The following ZNF565 variants were observed in gnomAD, a reference collection of about 807,000 sequenced individuals.
The protein encoded by ZNF565 is zinc finger protein 565.
ZNF565 carries 27 observed loss-of-function variants against 39.4 expected under a neutral mutation model. The observed-to-expected ratio is 0.69, with a 90% CI of 0.51 to 0.95. The LOEUF (loss-of-function observed/expected upper bound fraction) is 0.95. Ranked by LOEUF, ZNF565 falls within the 40% of genes least tolerant of loss-of-function variation. ZNF565 has a pLI of 0.00. For synonymous variants in ZNF565, 185 were observed against 216.6 expected, an observed-to-expected ratio of 0.85 and a Z score of 1.28; for missense variants, 524 against 621.1, an observed-to-expected ratio of 0.84 and a Z score of 1.66.
At chr19:36,206,660 G>A (rs1200649454) in intron 1 of ZNF565, among the ~76,000 whole-genome samples, 19 of 151,960 alleles carry the variant, frequency 1.3e-4, no homozygotes, top group African/African-American at 4.4e-4. Flanking sequence ...GTGAAATGCC[G>A]TCTCTACTAA....
intron 4 of ZNF565, among the ~76,000 whole-genome samples, chr19:36,189,941 CT>C (rs1220120134): frequency 6.6e-6 from 1 of 151,828 alleles, no homozygotes; most frequent in East Asian, 2.0e-4. Flanking sequence ...TCAAGCGATT[CT>C]CTTGTCTCAG....
chr19:36,195,455 AATATCATTATC>A (rs1975722339), intron 2 of ZNF565, among the ~76,000 whole-genome samples: 1 of 151,812 alleles, frequency 6.6e-6, no homozygotes, highest in Admixed American at 6.6e-5. Flanking sequence ...TAATAATCAG[AATATCATTATC>A]ATACTTAATA....
In ZNF565 at chr19:36,245,753, T is replaced by G; in HGVS notation, c.-223A>C. On this transcript the variant is annotated 5_prime_UTR_variant, in exon 1 of 5. Coordinates refer to the ZNF565 transcript ENST00000355114. This position sits in a 1 kb window ranked among gnomAD's most constrained non-coding sequence, Gnocchi z 4.4. ...CTGGCTCCGTCCACGGTTGTCGGGG[T>G]CCCGGGCTGCTTTTCTTGGAGGGCT... 1 of 528,482 alleles carries G rather than the reference T, an allele frequency of 1.9e-6. No individual in the cohort carries two copies. Among genetic ancestry groups the G allele is most frequent in the Non-Finnish European group, 3.3e-6 (1 of 298,570 alleles). 32.7% of individuals were successfully genotyped at this position (528,482 alleles called of 1,614,324 possible).
intron 1 of ZNF565, among the ~76,000 whole-genome samples, chr19:36,222,848 T>A (rs1195686862): frequency 6.8e-6 from 1 of 148,008 alleles, no homozygotes; most frequent in African/African-American, 2.4e-5. Context: ...CTTTTTTTTT[T>A]AATCTTGCAG....
At chr19:36,202,328 C>T (rs976903348) in intron 1 of ZNF565, among the ~76,000 whole-genome samples, 3 of 152,060 alleles carry the variant, frequency 2.0e-5, no homozygotes, top group Non-Finnish European at 4.4e-5. Context: ...GACTGCACCA[C>T]TGCCCTCCAG....
upstream of ZNF565, among the ~76,000 whole-genome samples, chr19:36,217,720 A>G (rs2022907052): frequency 6.6e-6 from 1 of 152,026 alleles, no homozygotes; most frequent in South Asian, 2.1e-4. Flanking sequence ...CCCCGTCTCT[A>G]CTAAAAATAC....
chr19:36,239,395 C>G (rs745734659), intron 1 of ZNF565, among the ~76,000 whole-genome samples: 5 of 150,558 alleles, frequency 3.3e-5, no homozygotes, highest in Non-Finnish European at 7.4e-5. Context: ...TCTTGGCTCA[C>G]TGCAATCTCC....
chr19:36,216,008 G>A (rs182862232), upstream of ZNF565, among the ~76,000 whole-genome samples: 2 of 152,122 alleles, frequency 1.3e-5, no homozygotes, highest in Admixed American at 6.5e-5. Flanking sequence ...TGCTACTGAC[G>A]TCTCCAAAGA....
chr19:36,206,987 G>A (rs992474507), intron 1 of ZNF565, among the ~76,000 whole-genome samples: 5 of 152,162 alleles, frequency 3.3e-5, no homozygotes, highest in African/African-American at 7.2e-5. Flanking sequence ...AGTGAGAAAT[G>A]CAGGTATCTG....
rs1344916595 is a variant in ZNF565 at position 36,221,374 on chromosome 19, C to T, written c.56-19324G>A. Among the ~76,000 whole-genome samples the T allele has an allele frequency of 8.1e-5, 12 of 148,412 alleles. No individual in the cohort carries two copies. The East Asian group carries it at 1.0e-3, about 12-fold the overall frequency. ...CGCAATCTCGGCTCACTGCAAGCTC[C>T]GCCTCCCGGGTTCACGCCATTCTTC... On this transcript the variant is annotated intron_variant, in intron 1 of 4. Coordinates refer to the ZNF565 transcript ENST00000355114.
chr19:36,198,633 T>C (rs1975849910), intron 2 of ZNF565, among the ~76,000 whole-genome samples: 1 of 151,940 alleles, frequency 6.6e-6, no homozygotes, highest in South Asian at 2.1e-4. Flanking sequence ...GGAGTTTTGC[T>C]TTGTCATCCA....
intron 1 of ZNF565, among the ~76,000 whole-genome samples, chr19:36,225,798 T>TC: frequency 7.2e-6 from 1 of 138,604 alleles, no homozygotes; most frequent in Non-Finnish European, 1.5e-5. Flanking sequence ...TCTTGCTTTG[T>TC]CACCCAGGCT....
chr19:36,195,232 A>G, intron 2 of ZNF565, 76 bp from the exon 3 acceptor site: 1 of 1,543,186 alleles, frequency 6.5e-7, no homozygotes, highest in South Asian at 1.3e-5. Flanking sequence ...CAAGATGCAC[A>G]AAAGTACAGA....
intron 1 of ZNF565, among the ~76,000 whole-genome samples, chr19:36,209,301 C>A (rs550027988): frequency 6.6e-6 from 1 of 151,946 alleles, no homozygotes; most frequent in Non-Finnish European, 1.5e-5. Flanking sequence ...GAGGCCGAGG[C>A]GGTTGGCAAC....
chr19:36,211,748 G>A lies in ZNF565; in HGVS notation c.-66+2874C>T, dbSNP rs565659041. Among the ~76,000 whole-genome samples, 365 of 151,382 alleles carry A rather than the reference G, an allele frequency of 2.4e-3. 1 individual carries two copies. The highest frequency in any genetic ancestry group is 7.9e-3 in the African/African-American group (324 of 41,220). ...GCGGAGCTTGCAGTGAGCCGAGCTC[G>A]CGCCACTGCACTCCAGCCTGGGTGA... On this transcript the variant is annotated intron_variant, in intron 1 of 4. Coordinates refer to ENST00000304116, the MANE Select transcript of ZNF565 (RefSeq NM_152477.5).
intron 1 of ZNF565, among the ~76,000 whole-genome samples, chr19:36,244,853 A>G (rs1010809797): frequency 1.5e-4 from 21 of 137,038 alleles, no homozygotes; most frequent in African/African-American, 2.3e-4. Context: ...ACGTCTTAAA[A>G]AAAAAAAAAA....
intron 1 of ZNF565, chr19:36,237,183 C>T: frequency 1.2e-6 from 2 of 1,614,172 alleles, no homozygotes; most frequent in Non-Finnish European, 1.7e-6. Flanking sequence ...TGTGGGAAAG[C>T]TTTCTCTCAG....
At chr19:36,188,750 A>G (rs986492441) in intron 4 of ZNF565, among the ~76,000 whole-genome samples, 12 of 151,994 alleles carry the variant, frequency 7.9e-5, no homozygotes, top group Admixed American at 5.3e-4. Flanking sequence ...ACAACAAAAA[A>G]CAGATGAGTG....
chr19:36,244,897 G>T (rs1273073499), intron 1 of ZNF565, among the ~76,000 whole-genome samples: 1 of 149,820 alleles, frequency 6.7e-6, no homozygotes, highest in Non-Finnish European at 1.5e-5. Context: ...CCTTAGATTA[G>T]AACGTGTCTT....
Sources: allele counts gnomAD v4.1 joint callset (sites outside exome capture counted in the v4.1 genomes callset), GRCh38; gene constraint gnomAD v4.1.1; non-coding constraint Gnocchi (gnomAD v3.1); transcripts MANE v1.5; gene names NCBI Gene and HGNC (gene_info 2026-07-23, HGNC 2026-07-21).